The following CSF2RA variants were observed in gnomAD, a reference collection of about 807,000 sequenced individuals.
CSF2RA encodes colony stimulating factor 2 receptor subunit alpha.
In CSF2RA, 42 loss-of-function variants were observed where a neutral mutation model predicts 51.6. The ratio of observed to expected loss-of-function variants is 0.81; its 90% CI spans 0.64 to 1.05. CSF2RA has a LOEUF of 1.05. CSF2RA is among the 50% of genes least tolerant of loss of function. CSF2RA has a pLI of 0.00. For synonymous variants in CSF2RA, 222 were observed against 193.0 expected (o/e 1.15, Z -1.24); for missense variants, 530 against 501.1 (o/e 1.06, Z -0.55).
At chrX:1,315,770 A>AATAG in the CSF2RA span, among the ~76,000 whole-genome samples, 2,161 of 124,532 alleles carry the variant, frequency 0.017, 24 homozygotes, top group East Asian at 0.049. Context: ...TAAAATAGAT[A>AATAG]ATAGATAGAT....
At chrX:1,278,223 A>T (rs764958671) in intron 2 of CSF2RA, among the ~76,000 whole-genome samples, 5 of 147,174 alleles carry the variant, frequency 3.4e-5, no homozygotes, top group African/African-American at 1.3e-4. Flanking sequence ...AGTCCCAGCT[A>T]CTTGGAGGCT....
At position 1,294,366 on chromosome X, in the gene CSF2RA, A is replaced by G; in HGVS notation, c.685A>G (p.Asn229Asp). Residue 229 changes from asparagine (N) to aspartate (D), a missense_variant, in exon 8 of 13, where the codon AAC (asparagine) becomes GAC (aspartate). Transcript: ENST00000381529. ...NPPSNVTVRC[N>D]TTHCLVRWKQ... ...TCCCAGCAATGTCACCGTACGTTGC[A>G]ACACGACGCACTGCCTCGTACGGTG... The G allele has an allele frequency of 6.8e-6, 11 of 1,613,858 alleles. No individual in the cohort carries two copies. Among genetic ancestry groups the G allele is most frequent in the Non-Finnish European group, 7.6e-6 (9 of 1,179,850 alleles).
At chrX:1,281,398 TCCG>T (rs2090046006) in intron 2 of CSF2RA, among the ~76,000 whole-genome samples, 1 of 132,368 alleles carries the variant, frequency 7.6e-6, no homozygotes, top group Non-Finnish European at 1.6e-5. Flanking sequence ...CTCCTCCTCC[TCCG>T]CCTTCTCCTA....
At chrX:1,314,080 C>G (rs1293245380), downstream of CSF2RA, among the ~76,000 whole-genome samples, 3 of 152,110 alleles carry the variant, frequency 2.0e-5, no homozygotes, top group African/African-American at 7.2e-5. Flanking sequence ...CCTAGGATGA[C>G]TGAGGCCCCT....
chrX:1,269,862 C>G (rs1237984248), intron 1 of CSF2RA, among the ~76,000 whole-genome samples: 4 of 152,030 alleles, frequency 2.6e-5, no homozygotes, highest in African/African-American at 9.7e-5. Context: ...AATCCCAACA[C>G]TTTTGGAGGC....
At position 1,282,866 on chromosome X, in the gene CSF2RA, T is replaced by C. The variant is rs1211263319; in HGVS notation, c.76+87T>C. The C allele has an allele frequency of 3.5e-6, 4 of 1,128,322 alleles. No individual in the cohort carries two copies. In the African/African-American group the frequency reaches 6.2e-5, roughly 18 times the overall value. 69.9% of individuals were successfully genotyped at this position (1,128,322 alleles called of 1,614,324 possible). A position where few individuals can be genotyped will look rare whatever the true frequency, so the allele number is the denominator to read the frequency against. ...AGACCCATCTGGATACCTGGGTCCATCTGCATTTCATCTCTAATGTTTATG... is the reference window on the plus strand; with the variant it reads ...AGACCCATCTGGATACCTGGGTCCACCTGCATTTCATCTCTAATGTTTATG... On this transcript the variant is annotated intron_variant, in intron 3 of 12. Coordinates refer to ENST00000381529, the MANE Select transcript of CSF2RA (RefSeq NM_172245.4).
chrX:1,283,123 GTTCCTTCC>G (rs747822328), intron 3 of CSF2RA, among the ~76,000 whole-genome samples: 1,763 of 94,724 alleles, frequency 0.019, 18 homozygotes, highest in African/African-American at 0.024. Flanking sequence ...TCGTTCCTTC[GTTCCTTCC>G]TTCCTTCCTT....
chrX:1,317,207 C>T, the CSF2RA span, among the ~76,000 whole-genome samples: 1 of 143,884 alleles, frequency 7.0e-6, no homozygotes, highest in Non-Finnish European at 1.5e-5. Context: ...CTCGGCCTCC[C>T]AAAGTGCTGG....
intron 9 of CSF2RA, among the ~76,000 whole-genome samples, chrX:1,299,269 T>C (rs1327998240): frequency 6.6e-6 from 1 of 152,202 alleles, no homozygotes; most frequent in Non-Finnish European, 1.5e-5. Context: ...GAGTGAGTAC[T>C]GTTGCCGGGT....
rs149059494 is a variant in CSF2RA, at chrX:1,288,522, A to T, written c.223A>T (p.Ser75Cys). ...KKNRVVEPRL[S>C]NNECSCTFRE... ...CTGTCTGGTTGCAATTCTTCAGCTC[A>T]GTAACAACGAATGTTCGTGCACATT... The change falls in exon 5 of 13, where the codon AGT becomes TGT. Residue 75 changes from serine (S) to cysteine (C), a missense_variant. Physicochemically the swap from Ser to Cys is moderately radical, Grantham distance 112. Transcript: ENST00000381529. The T allele has an allele frequency of 3.7e-6, 6 of 1,613,844 alleles. No individual in the cohort carries two copies. In the Admixed American group the frequency reaches 5.0e-5, roughly 13 times the overall value.
chrX:1,310,012 T>G (rs764948207), downstream of CSF2RA: 43 of 418,390 alleles, frequency 1.0e-4, no homozygotes, highest in African/African-American at 7.4e-4. Context: ...CTGGGCAACA[T>G]AGCAAGACCC....
downstream of CSF2RA, among the ~76,000 whole-genome samples, chrX:1,314,523 C>T (rs866088404): frequency 1.7e-4 from 18 of 106,866 alleles, no homozygotes; most frequent in African/African-American, 5.0e-4. Context: ...TGCACCTGCC[C>T]AATCCCACTG....
rs866773339 is a variant in CSF2RA at position 1,301,650 on chromosome X, C to G, written c.946+1024C>G. Among the ~76,000 whole-genome samples the G allele has an allele frequency of 2.4e-4, 34 of 139,400 alleles. 1 individual carries two copies. The highest frequency in any genetic ancestry group is 4.3e-4 in the East Asian group (2 of 4,686). 91.5% of individuals were successfully genotyped at this position (139,400 alleles called of 152,430 possible). A position where few individuals can be genotyped will look rare whatever the true frequency, so the allele number is the denominator to read the frequency against. On this transcript the variant is annotated intron_variant, in intron 10 of 12. Coordinates refer to ENST00000381529, the MANE Select transcript of CSF2RA (RefSeq NM_172245.4). ...TTTCGCTCTTGTCGCAGGCTGGAGTCCAGTGGCGCAATCTCGGCTCACTGC... is the reference window on the plus strand; with the variant it reads ...TTTCGCTCTTGTCGCAGGCTGGAGTGCAGTGGCGCAATCTCGGCTCACTGC...
At position 1,286,038 on chromosome X, in the gene CSF2RA, T is replaced by C. The variant is rs28692572; in HGVS notation, c.219+118T>C. 0.36 allele frequency: 410,909 copies of C among 1,140,208 alleles called. 75,989 individuals are homozygous for C. Among genetic ancestry groups the C allele is most frequent in the South Asian group, 0.42 (33,507 of 80,032 alleles). The allele number at this position is 1,140,208 out of a possible 1,614,324, so 70.6% of individuals were successfully genotyped here. The stretch of plus-strand genomic sequence containing the variant: ...CTGTCATCCCAGCACTTTGGGAGGC[T>C]GAGGTGGGCGGATCACCTGAGGTCG... On this transcript the variant is annotated intron_variant, in intron 4 of 12. Coordinates refer to ENST00000381529, the MANE Select transcript of CSF2RA (RefSeq NM_172245.4).
chrX:1,306,161 G>A (rs2083546771), intron 12 of CSF2RA, among the ~76,000 whole-genome samples: 1 of 151,832 alleles, frequency 6.6e-6, no homozygotes, highest in African/African-American at 2.4e-5. Context: ...GGAGAGAGAT[G>A]GAGGAGAGAG....
chrX:1,304,048 A>G, intron 11 of CSF2RA, 29 bp downstream of exon 11: 1 of 1,576,028 alleles, frequency 6.3e-7, no homozygotes, highest in Non-Finnish European at 8.7e-7. Flanking sequence ...GGGCCTCCCC[A>G]ATGAAAACAG....
At chrX:1,323,875 G>T in the CSF2RA span, among the ~76,000 whole-genome samples, 24 of 151,950 alleles carry the variant, frequency 1.6e-4, no homozygotes, top group Admixed American at 1.4e-3. Flanking sequence ...TTAGCCGGGC[G>T]TGGTGGTGGG....
chrX:1,318,281 A>G, the CSF2RA span, among the ~76,000 whole-genome samples: 1 of 151,558 alleles, frequency 6.6e-6, no homozygotes, highest in African/African-American at 2.4e-5. Context: ...CTCCTGCCTC[A>G]GCCTCCCAAG....
chrX:1,273,987 T>G (rs1261566495), intron 1 of CSF2RA, among the ~76,000 whole-genome samples: 3 of 152,110 alleles, frequency 2.0e-5, no homozygotes, highest in African/African-American at 7.2e-5. Context: ...TCCATCATTC[T>G]TGCTTTGAAT....
Sources: allele counts gnomAD v4.1 joint callset (sites outside exome capture counted in the v4.1 genomes callset), GRCh38; gene constraint gnomAD v4.1.1; transcripts MANE v1.5; gene names NCBI Gene and HGNC (gene_info 2026-07-23, HGNC 2026-07-21).